FAAP100: variants seen among roughly 807,000 people sequenced by gnomAD.
FAAP100 encodes FA core complex associated protein 100.
In FAAP100, 46 loss-of-function variants were observed where a neutral mutation model predicts 65.8. The observed-to-expected ratio is 0.70, with a 90% CI of 0.55 to 0.89. The LOEUF (loss-of-function observed/expected upper bound fraction) is 0.89, where lower values mean the gene tolerates loss of function less well. FAAP100 is among the 40% of genes least tolerant of loss of function. FAAP100 has a pLI of 0.00. For missense variants in FAAP100, 1,165 were observed against 1,196.7 expected (o/e 0.97, Z 0.39); for synonymous variants, 663 against 555.1 (o/e 1.19, Z -2.73).
At position 81,540,411 on chromosome 17, in the gene FAAP100, C is replaced by T. The variant is rs1381415514; in HGVS notation, c.*408G>A. On this transcript the variant is annotated 3_prime_UTR_variant, in exon 9 of 9. Coordinates refer to ENST00000327787, the MANE Select transcript of FAAP100 (RefSeq NM_025161.6). ...TGTGGCAGCAACAGTTACAAACTCA[C>T]CCCAAGTCCAAACCCCAGAAATCCT... The T allele has an allele frequency of 2.5e-6, 1 of 404,258 alleles. No individual in the cohort carries two copies. The highest frequency in any genetic ancestry group is 4.4e-6 in the Non-Finnish European group (1 of 229,262). The allele number at this position is 404,258 out of a possible 1,614,324, so 25.0% of individuals were successfully genotyped here. A position where few individuals can be genotyped will look rare whatever the true frequency, so the allele number is the denominator to read the frequency against.
chr17:81,546,874 C>A, intron 5 of FAAP100, 35 bp downstream of exon 5: 1 of 1,365,546 alleles, frequency 7.3e-7, no homozygotes. Context: ...AAAAAAAATC[C>A]CCAAGGCTGA....
At position 81,540,056 on chromosome 17, in the gene FAAP100, G is replaced by A. The variant is rs2033021609; in HGVS notation, c.*763C>T. 1 of 381,348 alleles carries A rather than the reference G, an allele frequency of 2.6e-6. No homozygotes were observed. The highest frequency in any genetic ancestry group is 1.5e-4 in the South Asian group (1 of 6,870). 23.6% of individuals were successfully genotyped at this position (381,348 alleles called of 1,614,324 possible). Reference sequence around the variant, plus strand: ...TAGCCCAGGCTGAGGGAGGAGGCTGGGGGCTGGGGCTCAGGGCCCCCCCCC... The same window carrying A: ...TAGCCCAGGCTGAGGGAGGAGGCTGAGGGCTGGGGCTCAGGGCCCCCCCCC... On this transcript the variant is annotated 3_prime_UTR_variant, in exon 9 of 9. Transcript: ENST00000327787.
In FAAP100 at chr17:81,544,115, G is replaced by C; in HGVS notation, c.2316C>G (p.Ala772=). 1 of 1,609,248 alleles carries C rather than the reference G, an allele frequency of 6.2e-7. No individual in the cohort carries two copies. Among genetic ancestry groups the C allele is most frequent in the Non-Finnish European group, 8.5e-7 (1 of 1,176,866 alleles). ...ANVHLIVREV[A]MTDLCPAGPI... is the part of the protein sequence containing the mutation. ...GCCCTGCTGGGCACAGGTCAGTCAT[G>C]GCCACCTGCAACACAGGAGCCACCT... The change falls in exon 7 of 9, where the codon GCC becomes GCG. Residue 772 remains alanine (A), a synonymous_variant. Transcript: ENST00000327787.
At chr17:81,545,008 A>G (rs1242709894) in intron 6 of FAAP100, among the ~76,000 whole-genome samples, 3 of 152,228 alleles carry the variant, frequency 2.0e-5, no homozygotes, top group African/African-American at 7.2e-5. Flanking sequence ...CGTCTCTACT[A>G]AAAACACAAA....
At position 81,541,299 on chromosome 17, in the gene FAAP100, G is replaced by A. The variant is rs751256452; in HGVS notation, c.2514+10C>T. On this transcript the variant is annotated intron_variant, in intron 8 of 8. Coordinates refer to ENST00000327787, the MANE Select transcript of FAAP100 (RefSeq NM_025161.6). ...GGGGAAGGGGACTGCCCGGGGAACC[G>A]GGTGCTCACCTCGTGGTTGGCGTGG... The A allele has an allele frequency of 2.5e-6, 4 of 1,608,370 alleles. No homozygotes were observed. Among genetic ancestry groups the A allele is most frequent in the South Asian group, 2.2e-5 (2 of 90,352 alleles).
chr17:81,548,311 C>T, intron 4 of FAAP100: 1 of 389,472 alleles, frequency 2.6e-6, no homozygotes, highest in Non-Finnish European at 4.7e-6. Flanking sequence ...GAGGACTCAG[C>T]AGGGGACGTC....
chr17:81,552,949 G>C (rs2033554674), upstream of FAAP100: 1 of 153,156 alleles, frequency 6.5e-6, no homozygotes, highest in South Asian at 2.0e-4. Flanking sequence ...TGGGGACAGG[G>C]AGTACACCAA....
At chr17:81,552,917 CCT>C (rs1376847396), upstream of FAAP100, among the ~76,000 whole-genome samples, 1 of 152,042 alleles carries the variant, frequency 6.6e-6, no homozygotes, top group Non-Finnish European at 1.5e-5. Context: ...GAAGTGCGTC[CCT>C]CCCTCCGTGG....
In FAAP100 at chr17:81,551,238, C is replaced by T. The variant is rs1346075443; in HGVS notation, c.291-35G>A. The T allele has an allele frequency of 3.4e-6, 5 of 1,472,182 alleles. No homozygotes were observed. In the East Asian group the frequency reaches 1.0e-4, roughly 29 times the overall value. The allele number at this position is 1,472,182 out of a possible 1,614,324, so 91.2% of individuals were successfully genotyped here. A position where few individuals can be genotyped will look rare whatever the true frequency, so the allele number is the denominator to read the frequency against. On this transcript the variant is annotated intron_variant, in intron 2 of 8. Transcript: ENST00000327787. ...CAGGGACGCACTGGTCAGGCCTGGG[C>T]AGGGTGGGATTCCCACGTTCTCTTC...
intron 4 of FAAP100, 146 bp from the exon 5 acceptor site, chr17:81,547,824 G>T: frequency 2.0e-6 from 2 of 1,014,202 alleles, no homozygotes; most frequent in Non-Finnish European, 3.0e-6. Flanking sequence ...GTGAGCCCCC[G>T]CCCCAGGGGC....
In FAAP100 at chr17:81,546,916, G is replaced by A; in HGVS notation, c.2166C>T (p.Gly722=). ...AELLRAALKD[G]HSGVPLCCAT... is the part of the protein sequence containing the mutation. ...CCAAGCAGTGCCACCAACCTGAGTGGCCGTCCTTCAAGGCAGCTCTGAGCA... is the reference window on the plus strand; with the variant it reads ...CCAAGCAGTGCCACCAACCTGAGTGACCGTCCTTCAAGGCAGCTCTGAGCA... The change falls in exon 5 of 9, where the codon GGC becomes GGT. Residue 722 remains glycine (G), a synonymous_variant. Transcript: ENST00000327787. 2 of 1,386,620 alleles carry A rather than the reference G, an allele frequency of 1.4e-6. No homozygotes were observed. Among genetic ancestry groups the A allele is most frequent in the Non-Finnish European group, 1.9e-6 (2 of 1,063,596 alleles). The allele number at this position is 1,386,620 out of a possible 1,614,324, so 85.9% of individuals were successfully genotyped here.
chr17:81,550,759 G>A lies in FAAP100; in HGVS notation c.735C>T (p.Leu245=), dbSNP rs576019204. 2 of 1,612,366 alleles carry A rather than the reference G, an allele frequency of 1.2e-6. No homozygotes were observed. Among genetic ancestry groups the A allele is most frequent in the Non-Finnish European group, 1.7e-6 (2 of 1,179,602 alleles). Residue 245 remains leucine (L), a synonymous_variant, in exon 3 of 9, where the codon CTC becomes CTT. Coordinates refer to ENST00000327787, the MANE Select transcript of FAAP100 (RefSeq NM_025161.6). ...TCACACAGCAGAGCTGGCCATCAGG[G>A]AGACCACAGAGGACCACAGGTGACT... is the stretch of plus-strand genomic sequence containing the variant. ...LLQSPVVLCG[L]PDGQLCCVIL...
At chr17:81,542,719 G>GTGTC (rs1438625313) in intron 7 of FAAP100, among the ~76,000 whole-genome samples, 1 of 152,246 alleles carries the variant, frequency 6.6e-6, no homozygotes, top group African/African-American at 2.4e-5. Flanking sequence ...GAGCCTGGCT[G>GTGTC]TGTCTGGAAA....
chr17:81,550,464 G>A lies in FAAP100; in HGVS notation c.1030C>T (p.Pro344Ser), dbSNP rs2033450324. 2 of 1,612,528 alleles carry A rather than the reference G, an allele frequency of 1.2e-6. No homozygotes were observed. Among genetic ancestry groups the A allele is most frequent in the Non-Finnish European group, 1.7e-6 (2 of 1,179,822 alleles). The change falls in exon 3 of 9, where the codon CCA (proline) becomes TCA (serine). Residue 344 changes from proline (P) to serine (S), a missense_variant. Physicochemically the swap from Pro to Ser is moderately conservative, Grantham distance 74 (BLOSUM62 -1). Coordinates refer to ENST00000327787, the MANE Select transcript of FAAP100 (RefSeq NM_025161.6). ...LVPELREYCLPGPVLCAACGG... is the reference protein window; with the variant it reads ...LVPELREYCLSGPVLCAACGG... ...CAGGCAGCGCAGAGCACAGGGCCTGGGAGGCAGTACTCCCGCAGCTCGGGC... is the reference window on the plus strand; with the variant it reads ...CAGGCAGCGCAGAGCACAGGGCCTGAGAGGCAGTACTCCCGCAGCTCGGGC...
rs74818865 is a variant in FAAP100, at chr17:81,547,002, C to G, written c.2080G>C (p.Ala694Pro). The G allele has an allele frequency of 0.011, 16,544 of 1,526,158 alleles. 831 individuals carry two copies. The East Asian group carries it at 0.16, about 14-fold the overall frequency. 94.5% of individuals were successfully genotyped at this position (1,526,158 alleles called of 1,614,324 possible). Residue 694 changes from alanine to proline, a missense_variant, in exon 5 of 9, where the codon GCC becomes CCC. Transcript: ENST00000327787. ...GGCAGGTACTCGGCCCGCAGGGAGG[C>G]GGGTCCTGCTGGCTGGCTGCCAGGC... The part of the protein sequence containing the change: ...REPGSQPAGP[A>P]SLRAEYLPPS...
chr17:81,547,708 C>CG (rs899123830), intron 4 of FAAP100, 30 bp from the exon 5 acceptor site: 1 of 1,601,818 alleles, frequency 6.2e-7, no homozygotes, highest in African/African-American at 1.3e-5. Flanking sequence ...CCCCCGGGAG[C>CG]GGGGGGACAC....
intron 7 of FAAP100, among the ~76,000 whole-genome samples, chr17:81,541,869 A>G (rs938673582): frequency 9.9e-5 from 15 of 152,108 alleles, no homozygotes; most frequent in African/African-American, 2.9e-4. Context: ...CTGGGCTTGG[A>G]TCTAAATTCC....
intron 2 of FAAP100, 94 bp downstream of exon 2, chr17:81,551,834 G>C (rs1598601928): frequency 7.2e-7 from 1 of 1,396,346 alleles, no homozygotes; most frequent in Non-Finnish European, 9.2e-7. Context: ...GCGGCAGCCC[G>C]GGTCCCCAAG....
intron 7 of FAAP100, 86 bp downstream of exon 7, chr17:81,543,918 C>G (rs974864578): frequency 1.6e-6 from 2 of 1,259,034 alleles, no homozygotes; most frequent in African/African-American, 1.5e-5. Context: ...CCGCAGACCC[C>G]GTGGCCAGCA....
Sources: gnomAD v4.1 joint callset for allele counts (sites outside exome capture counted in the v4.1 genomes callset) on GRCh38, gnomAD v4.1.1 for gene constraint, MANE v1.5 for transcripts, NCBI Gene and HGNC (gene_info 2026-07-23, HGNC 2026-07-21) for gene names.